TARS3: variants seen among roughly 807,000 people sequenced by gnomAD.
TARS3 encodes threonine--tRNA ligase 2, cytoplasmic.
In TARS3, 94 loss-of-function variants were observed where a neutral mutation model predicts 103.5. The observed-to-expected ratio is 0.91, with a 90% CI of 0.77 to 1.08. TARS3 has a LOEUF of 1.08. Ranked by LOEUF, TARS3 falls within the 50% of genes least tolerant of loss-of-function variation. TARS3 has a pLI of 0.00. For synonymous variants in TARS3, 416 were observed against 355.4 expected, an observed-to-expected ratio of 1.17 and a Z score of -1.92; for missense variants, 952 against 995.2, an observed-to-expected ratio of 0.96 and a Z score of 0.58.
chr15:101,716,773 T>C (rs143625363), intron 3 of TARS3, among the ~76,000 whole-genome samples: 2 of 152,136 alleles, frequency 1.3e-5, no homozygotes, highest in African/African-American at 4.8e-5. Context: ...AAAATTTTCC[T>C]ACTAGCAGAG....
At chr15:101,665,315 T>C (rs900415283) in intron 15 of TARS3, among the ~76,000 whole-genome samples, 1 of 152,178 alleles carries the variant, frequency 6.6e-6, no homozygotes, top group Non-Finnish European at 1.5e-5. Flanking sequence ...GTGACTGCAA[T>C]TACTGCATAT....
chr15:101,671,870 G>T, intron 13 of TARS3, 122 bp from the exon 14 acceptor site: 1 of 787,246 alleles, frequency 1.3e-6, no homozygotes, highest in Non-Finnish European at 2.0e-6. Context: ...TATTTATTGA[G>T]CATCTTTTAC....
At chr15:101,668,581 T>C (rs1488827317) in intron 15 of TARS3, among the ~76,000 whole-genome samples, 2 of 152,128 alleles carry the variant, frequency 1.3e-5, no homozygotes, top group South Asian at 2.1e-4. Flanking sequence ...GTTGGAAAAA[T>C]GGCACTGACA....
intron 15 of TARS3, among the ~76,000 whole-genome samples, chr15:101,667,894 C>G (rs1412725119): frequency 1.3e-5 from 2 of 152,096 alleles, no homozygotes; most frequent in Non-Finnish European, 2.9e-5. Flanking sequence ...GCACCTGGCC[C>G]TGGAGATGGT....
At position 101,684,176 on chromosome 15, in the gene TARS3, C is replaced by G; in HGVS notation, c.1549G>C (p.Gly517Arg). The G allele has an allele frequency of 6.2e-7, 1 of 1,614,050 alleles. No homozygotes were observed. The highest frequency in any genetic ancestry group is 1.7e-4 in the Middle Eastern group (1 of 6,060). The change falls in exon 12 of 19, where the codon GGA becomes CGA. Residue 517 changes from glycine (G) to arginine (R), a missense_variant. Coordinates refer to ENST00000335968, the MANE Select transcript of TARS3 (RefSeq NM_152334.3). ...GACAGTTCATTTCTATGCAGAACTC[C>G]AAAATCAGCAAATCTAATAGGCATT... ...REMPIRFADF[G>R]VLHRNELSGT... is the part of the protein sequence containing the mutation.
chr15:101,686,145 T>C, intron 10 of TARS3, 83 bp from the exon 11 acceptor site: 1 of 1,286,582 alleles, frequency 7.8e-7, no homozygotes, highest in African/African-American at 1.5e-5. Context: ...GCAAATATTT[T>C]CAAATTGGGC....
chr15:101,656,103 A>G (rs1310924560), intron 18 of TARS3: 15 of 1,244,088 alleles, frequency 1.2e-5, no homozygotes, highest in Admixed American at 2.3e-5. Flanking sequence ...GGGGAGAAAT[A>G]CTCCTGGTGA....
At chr15:101,723,742 G>T (rs1484521565) in intron 1 of TARS3, among the ~76,000 whole-genome samples, 1 of 152,222 alleles carries the variant, frequency 6.6e-6, no homozygotes, top group East Asian at 1.9e-4. Flanking sequence ...TACATACGCA[G>T]CTGTTAGTCT....
intron 9 of TARS3, among the ~76,000 whole-genome samples, chr15:101,701,922 C>T (rs766489753): frequency 6.6e-6 from 1 of 152,174 alleles, no homozygotes; most frequent in African/African-American, 2.4e-5. Flanking sequence ...ACTACAAGCG[C>T]GTGCTGCCAC....
chr15:101,684,368 TA>T (rs549530214), intron 11 of TARS3, 131 bp from the exon 12 acceptor site: 6,168 of 834,690 alleles, frequency 7.4e-3, no homozygotes, highest in South Asian at 0.011. Context: ...ATCACCAGGT[TA>T]AAAAAAAAAT....
chr15:101,721,002 C>G (rs1900426335), intron 3 of TARS3, 124 bp downstream of exon 3: 5 of 831,572 alleles, frequency 6.0e-6, no homozygotes, highest in Non-Finnish European at 9.2e-6. Context: ...ATAACCCAGT[C>G]TCAGACATGT....
chr15:101,665,156 C>T (rs991086080), intron 15 of TARS3, among the ~76,000 whole-genome samples: 4 of 152,116 alleles, frequency 2.6e-5, no homozygotes, highest in Admixed American at 6.5e-5. Context: ...CCAGAAGGAG[C>T]GGAGGTATAG....
In TARS3 at chr15:101,724,178, G is replaced by T; in HGVS notation, c.210C>A (p.Ser70Arg). The T allele has an allele frequency of 6.6e-7, 1 of 1,508,526 alleles. No homozygotes were observed. Among genetic ancestry groups the T allele is most frequent in the Non-Finnish European group, 8.8e-7 (1 of 1,133,512 alleles). The allele number at this position is 1,508,526 out of a possible 1,614,324, so 93.4% of individuals were successfully genotyped here. Reference sequence around the variant, plus strand: ...GCTCCTCGGCGAGGCACAGCCGCAGGCTGCACAGGCGGTGGCGCAGGTCGC... The same window carrying T: ...GCTCCTCGGCGAGGCACAGCCGCAGTCTGCACAGGCGGTGGCGCAGGTCGC... ...ENCDLRHRLC[S>R]LRLCLAEERS... The change falls in exon 1 of 19, where the codon AGC (serine) becomes AGA (arginine). Residue 70 changes from serine to arginine, a missense_variant. By Grantham distance (110) the Ser-to-Arg change is moderately radical (BLOSUM62 -1). Transcript: ENST00000335968.
chr15:101,722,253 C>T (rs1438874301), intron 2 of TARS3, among the ~76,000 whole-genome samples: 3 of 151,220 alleles, frequency 2.0e-5, no homozygotes, highest in African/African-American at 7.3e-5. Flanking sequence ...CAGCCCCACG[C>T]CCAGCCCCCA....
rs1306030192 is a variant in TARS3, at chr15:101,656,976, T to C, written c.2206A>G (p.Thr736Ala). Residue 736 changes from threonine to alanine, a missense_variant, in exon 18 of 19, where the codon ACA (threonine) becomes GCA (alanine). Coordinates refer to ENST00000335968, the MANE Select transcript of TARS3 (RefSeq NM_152334.3). Reference sequence around the variant, plus strand: ...GCATTTCGTATTTTCTTATTTAGTGTACAACTGTGATCCAAGTCAACGTCA... The same window carrying C: ...GCATTTCGTATTTTCTTATTTAGTGCACAACTGTGATCCAAGTCAACGTCA... ...MADVDLDHSC[T>A]LNKKIRNAQL... is the part of the protein sequence containing the mutation. The C allele has an allele frequency of 1.9e-6, 3 of 1,613,952 alleles. No homozygotes were observed. The Admixed American group carries it at 5.0e-5, about 27-fold the overall frequency.
intron 10 of TARS3, among the ~76,000 whole-genome samples, chr15:101,700,669 G>A (rs1219798210): frequency 6.7e-6 from 1 of 150,220 alleles, no homozygotes; most frequent in African/African-American, 2.5e-5. Context: ...CTTTGAGATG[G>A]AGTCTTGCTC....
intron 11 of TARS3, 50 bp downstream of exon 11, chr15:101,685,846 A>AGCG (rs1567336703): frequency 7.0e-7 from 1 of 1,428,010 alleles, no homozygotes; most frequent in South Asian, 1.4e-5. Context: ...ATTGTGACGA[A>AGCG]GCGTGCTATG....
At chr15:101,670,396 T>G (rs894419552) in intron 15 of TARS3, among the ~76,000 whole-genome samples, 3 of 152,120 alleles carry the variant, frequency 2.0e-5, no homozygotes, top group African/African-American at 7.2e-5. Flanking sequence ...GATAAATGAA[T>G]AGCAAGTAAG....
At chr15:101,671,888 A>C (rs1024180709) in intron 13 of TARS3, 140 bp from the exon 14 acceptor site, 94 of 714,800 alleles carry the variant, frequency 1.3e-4, no homozygotes, top group South Asian at 3.9e-5. Flanking sequence ...TACATTCAAT[A>C]AACTATTGAG....
Sources: allele counts gnomAD v4.1 joint callset (sites outside exome capture counted in the v4.1 genomes callset), GRCh38; gene constraint gnomAD v4.1.1; transcripts MANE v1.5; gene names NCBI Gene and HGNC (gene_info 2026-07-23, HGNC 2026-07-21).